Variants in RETREG1 observed in about 807,000 individuals in gnomAD.
RETREG1 encodes the protein reticulophagy regulator 1.
A neutral mutation model predicts 54.8 loss-of-function variants in RETREG1; 44 were observed. The ratio of observed to expected loss-of-function variants is 0.80; its 90% CI spans 0.63 to 1.03. The LOEUF is 1.03. Ranked by LOEUF, RETREG1 falls within the 50% of genes least tolerant of loss-of-function variation. The pLI is 0.00. For synonymous variants in RETREG1, 217 were observed against 238.5 expected, an observed-to-expected ratio of 0.91 and a Z score of 0.83; for missense variants, 554 against 605.1, an observed-to-expected ratio of 0.92 and a Z score of 0.89.
chr5:16,499,372 T>C (rs972148116), intron 3 of RETREG1, among the ~76,000 whole-genome samples: 3 of 152,366 alleles, frequency 2.0e-5, no homozygotes, highest in East Asian at 3.9e-4. Context: ...ATATGTGCCA[T>C]ATAATTTGCG....
intron 3 of RETREG1, among the ~76,000 whole-genome samples, chr5:16,524,587 T>C (rs1338959903): frequency 6.6e-6 from 1 of 152,238 alleles, no homozygotes; most frequent in Non-Finnish European, 1.5e-5. Flanking sequence ...TTCGGCCTGC[T>C]TATTTATAAC....
chr5:16,595,746 G>A (rs143371864), intron 1 of RETREG1, among the ~76,000 whole-genome samples: 3 of 152,226 alleles, frequency 2.0e-5, no homozygotes, highest in Non-Finnish European at 4.4e-5. Flanking sequence ...TAGCAAACCC[G>A]GGCTCATTTG....
chr5:16,584,874 A>G (rs758625640), intron 1 of RETREG1, among the ~76,000 whole-genome samples: 1 of 152,182 alleles, frequency 6.6e-6, no homozygotes. Flanking sequence ...ATGAATATAT[A>G]GTTTTAAATA....
At chr5:16,493,198 C>T (rs1363933467) in intron 3 of RETREG1, among the ~76,000 whole-genome samples, 3 of 152,218 alleles carry the variant, frequency 2.0e-5, no homozygotes, top group Admixed American at 2.0e-4. Flanking sequence ...TCCAGGTGAT[C>T]ATCAATTATC....
chr5:16,488,956 G>A (rs992614366), intron 3 of RETREG1, among the ~76,000 whole-genome samples: 8 of 151,798 alleles, frequency 5.3e-5, no homozygotes, highest in Middle Eastern at 3.2e-3. Context: ...GGTGGCATGC[G>A]CCTGTAGTCC....
intron 3 of RETREG1, among the ~76,000 whole-genome samples, chr5:16,515,952 A>G (rs1295324954): frequency 2.0e-5 from 3 of 152,150 alleles, no homozygotes; most frequent in Non-Finnish European, 4.4e-5. Flanking sequence ...AATGAAAAAC[A>G]TATATGATGA....
rs1160079901 is a variant in RETREG1 at position 16,597,454 on chromosome 5, AC to A, written c.320+19197del. Among the ~76,000 whole-genome samples the A allele has an allele frequency of 6.6e-6, 1 of 152,212 alleles. No homozygotes were observed. The highest frequency in any genetic ancestry group is 1.5e-5 in the Non-Finnish European group (1 of 68,024). Reference sequence around the variant, plus strand: ...AATCTTAACCCCTAACCTTGGTGCCACAAAAAGCACATTGCCTTTCTCTGCT... The same window carrying A: ...AATCTTAACCCCTAACCTTGGTGCCAAAAAAGCACATTGCCTTTCTCTGCT... On this transcript the variant is annotated intron_variant, in intron 1 of 8. Transcript: ENST00000306320. This position sits in a 1 kb window ranked among gnomAD's most constrained non-coding sequence, Gnocchi z 4.3.
At chr5:16,506,605 C>A (rs1232029964) in intron 3 of RETREG1, among the ~76,000 whole-genome samples, 1 of 151,932 alleles carries the variant, frequency 6.6e-6, no homozygotes, top group Non-Finnish European at 1.5e-5. Flanking sequence ...TGGCTGGTCT[C>A]AAACCCTTGG....
intron 1 of RETREG1, among the ~76,000 whole-genome samples, chr5:16,582,720 T>C (rs569325688): frequency 4.6e-5 from 7 of 151,760 alleles, no homozygotes; most frequent in Admixed American, 2.0e-4. Context: ...GAACACACCA[T>C]GATTTTAAGA....
intron 1 of RETREG1, among the ~76,000 whole-genome samples, chr5:16,610,153 A>G (rs141264357): frequency 4.6e-5 from 7 of 152,278 alleles, no homozygotes; most frequent in Non-Finnish European, 1.0e-4. Context: ...CTTGACATCA[A>G]GTGGGAGGTT....
intron 1 of RETREG1, among the ~76,000 whole-genome samples, chr5:16,573,623 TG>T (rs1371403980): frequency 6.6e-6 from 1 of 151,040 alleles, no homozygotes; most frequent in East Asian, 2.0e-4. Context: ...AAGGCTTAGG[TG>T]TTGTCACAGA....
chr5:16,474,717 C>G lies in RETREG1; in HGVS notation c.*24G>C. The G allele has an allele frequency of 7.0e-7, 1 of 1,435,274 alleles. No individual in the cohort carries two copies. The highest frequency in any genetic ancestry group is 2.7e-5 in the East Asian group (1 of 37,052). 88.9% of individuals were successfully genotyped at this position (1,435,274 alleles called of 1,614,324 possible). ...TGAAATTTTTTTGGTGTTTTTTGTGCTCTGTTGCAAGCTGATTCCTAGATT... is the reference window on the plus strand; with the variant it reads ...TGAAATTTTTTTGGTGTTTTTTGTGGTCTGTTGCAAGCTGATTCCTAGATT... On this transcript the variant is annotated 3_prime_UTR_variant, in exon 9 of 9. Coordinates refer to ENST00000306320, the MANE Select transcript of RETREG1 (RefSeq NM_001034850.3).
At chr5:16,487,176 A>G (rs1215367490) in intron 3 of RETREG1, among the ~76,000 whole-genome samples, 1 of 152,234 alleles carries the variant, frequency 6.6e-6, no homozygotes, top group Non-Finnish European at 1.5e-5. Context: ...CTAAGTTCCT[A>G]AACAAACAAT....
intron 1 of RETREG1, among the ~76,000 whole-genome samples, chr5:16,575,934 ATG>A (rs577547766): frequency 3.9e-4 from 60 of 152,248 alleles, no homozygotes; most frequent in Non-Finnish European, 7.3e-4. Context: ...ACTTCAAAAT[ATG>A]TAGCTGAGTA....
At chr5:16,610,797 C>A (rs1743320805) in intron 1 of RETREG1, among the ~76,000 whole-genome samples, 2 of 152,306 alleles carry the variant, frequency 1.3e-5, no homozygotes, top group South Asian at 4.1e-4. Flanking sequence ...AACACTTTTA[C>A]ACTGTTGGTG....
At chr5:16,551,551 CA>C (rs1741542946) in intron 3 of RETREG1, among the ~76,000 whole-genome samples, 1 of 152,112 alleles carries the variant, frequency 6.6e-6, no homozygotes, top group Admixed American at 6.5e-5. Flanking sequence ...GGCTCCCTCC[CA>C]AAAATGTTAC....
At chr5:16,490,378 C>T (rs927164327) in intron 3 of RETREG1, among the ~76,000 whole-genome samples, 15 of 152,222 alleles carry the variant, frequency 9.9e-5, no homozygotes, top group African/African-American at 3.4e-4. Flanking sequence ...TAAGATTACA[C>T]AGATTACTAT....
chr5:16,495,568 G>A (rs188197632), intron 3 of RETREG1, among the ~76,000 whole-genome samples: 1 of 152,284 alleles, frequency 6.6e-6, no homozygotes, highest in Non-Finnish European at 1.5e-5. Context: ...GTACAGCTCG[G>A]GCTGCTGCTT....
chr5:16,612,733 AT>A (rs956615768), intron 1 of RETREG1, among the ~76,000 whole-genome samples: 2 of 152,034 alleles, frequency 1.3e-5, no homozygotes, highest in Admixed American at 1.3e-4. Flanking sequence ...CATGAATATC[AT>A]TTTTTAGCAT....
Sources: gnomAD v4.1 joint callset for allele counts (sites outside exome capture counted in the v4.1 genomes callset) on GRCh38, gnomAD v4.1.1 for gene constraint, Gnocchi (gnomAD v3.1) non-coding constraint, MANE v1.5 for transcripts, NCBI Gene and HGNC (gene_info 2026-07-23, HGNC 2026-07-21) for gene names.